The following NOTCH1 variants were observed in gnomAD, a reference collection of about 807,000 sequenced individuals.
NOTCH1 encodes notch receptor 1, also known as neurogenic locus notch homolog protein 1.
Under a neutral mutation model 254.8 loss-of-function variants are expected in NOTCH1, and 37 were observed. That is an observed-to-expected ratio of 0.15 (90% CI 0.11 to 0.19). The LOEUF is 0.19. NOTCH1 is among the 10% of genes least tolerant of loss of function. NOTCH1 has a pLI of 1.00. For synonymous variants in NOTCH1, 1,731 were observed against 1,618.1 expected, an observed-to-expected ratio of 1.07 and a Z score of -1.68; for missense variants, 2,972 against 3,708.6, an observed-to-expected ratio of 0.80 and a Z score of 5.16.
chr9:136,497,647 A>G, intron 33 of NOTCH1, 89 bp from the exon 34 acceptor site: 2 of 1,189,178 alleles, frequency 1.7e-6, no homozygotes, highest in Non-Finnish European at 2.3e-6. Flanking sequence ...AAGCAGCAGT[A>G]CAACCTCCTC....
In NOTCH1 at chr9:136,513,779, C is replaced by T. The variant is rs978095438; in HGVS notation, c.2208-242G>A. Among the ~76,000 whole-genome samples, 2 of 152,076 alleles carry T rather than the reference C, an allele frequency of 1.3e-5. No individual in the cohort carries two copies. Among genetic ancestry groups the T allele is most frequent in the Non-Finnish European group, 2.9e-5 (2 of 68,024 alleles). On this transcript the variant is annotated intron_variant, in intron 13 of 33. Transcript: ENST00000651671. This position sits in a 1 kb window ranked among gnomAD's most constrained non-coding sequence, Gnocchi z 4.7. ...TTCAAGATCAGCCTGGCCAACATGG[C>T]GAAACTCCCCCACCCCATATATACT...
rs1186676322 is a variant in NOTCH1 at position 136,500,546 on chromosome 9, G to A, written c.5934+6C>T. The A allele has an allele frequency of 3.7e-6, 6 of 1,609,862 alleles. No individual in the cohort carries two copies. The highest frequency in any genetic ancestry group is 1.3e-5 in the African/African-American group (1 of 74,948). The stretch of plus-strand genomic sequence containing the variant: ...GCAGGTGGGCACACAGGCAGCCACT[G>A]CCTACCTGGAAGACACCTTGTGCGT... On this transcript the variant is annotated splice_donor_region_variant and intron_variant, in intron 31 of 33. Coordinates refer to ENST00000651671, the MANE Select transcript of NOTCH1 (RefSeq NM_017617.5).
In NOTCH1 at chr9:136,523,154, G is replaced by A. The variant is rs1589072128; in HGVS notation, c.438C>T (p.Ser146=). ...KSCQQADPCA[S]NPCANGGQCL... Reference sequence around the variant, plus strand: ...ACTGGCCACCGTTGGCGCAGGGGTTGGAGGCGCACGGGTCAGCCTGCTGGC... The same window carrying A: ...ACTGGCCACCGTTGGCGCAGGGGTTAGAGGCGCACGGGTCAGCCTGCTGGC... The change falls in exon 4 of 34, where the codon TCC becomes TCT. Residue 146 remains serine (S), a synonymous_variant. Transcript: ENST00000651671. 1 of 1,605,296 alleles carries A rather than the reference G, an allele frequency of 6.2e-7. No homozygotes were observed. Among genetic ancestry groups the A allele is most frequent in the Admixed American group, 1.7e-5 (1 of 59,160 alleles).
At chr9:136,500,445 G>A (rs990204657) in intron 31 of NOTCH1, 107 bp downstream of exon 31, 21 of 1,394,080 alleles carry the variant, frequency 1.5e-5, no homozygotes, top group Non-Finnish European at 1.4e-5. Flanking sequence ...CCCGGACTCA[G>A]CTGTGCTCGG....
rs761562076 is a variant in NOTCH1, at chr9:136,497,146, G to A, written c.6593C>T (p.Ser2198Leu). The A allele has an allele frequency of 5.6e-6, 9 of 1,612,730 alleles. No individual in the cohort carries two copies. Among genetic ancestry groups the A allele is most frequent in the South Asian group, 2.2e-5 (2 of 91,088 alleles). Reference sequence around the variant, plus strand: ...GGGTGACTCCAGGGAGTCCACGGGCGAGAGCATGCCGGAGCTGTCCAGCAG... The same window carrying A: ...GGGTGACTCCAGGGAGTCCACGGGCAAGAGCATGCCGGAGCTGTCCAGCAG... ...GCLLDSSGML[S>L]PVDSLESPHG... The change falls in exon 34 of 34, where the codon TCG (serine) becomes TTG (leucine). Residue 2198 changes from serine to leucine, a missense_variant. Around this residue, in one of 8 missense-constraint regions of NOTCH1, gnomAD observed 529 missense variants for 529.2 expected, o/e 1.00. Coordinates refer to ENST00000651671, the MANE Select transcript of NOTCH1 (RefSeq NM_017617.5).
At chr9:136,520,348 C>G (rs564078772) in intron 4 of NOTCH1, among the ~76,000 whole-genome samples, 5 of 152,138 alleles carry the variant, frequency 3.3e-5, no homozygotes, top group African/African-American at 4.8e-5. Context: ...GCCACCACCC[C>G]GTCCGTTCTG....
At chr9:136,502,894 T>C in intron 27 of NOTCH1, 1 of 636,640 alleles carries the variant, frequency 1.6e-6, no homozygotes, top group South Asian at 1.6e-5. Flanking sequence ...GTAATGATTT[T>C]GAAATAATAC....
At position 136,495,621 on chromosome 9, in the gene NOTCH1, G is replaced by A. The variant is rs1842903410; in HGVS notation, c.*450C>T. ...GGGTTGGGTGGGCGTCGGGGAAAGG[G>A]CGCGGCCTGGACGCCCCAGGAGCTT... On this transcript the variant is annotated 3_prime_UTR_variant, in exon 34 of 34. Coordinates refer to ENST00000651671, the MANE Select transcript of NOTCH1 (RefSeq NM_017617.5). 1.0e-5 allele frequency: 4 copies of A among 401,502 alleles called. No individual in the cohort carries two copies. The highest frequency in any genetic ancestry group is 1.8e-5 in the Non-Finnish European group (4 of 227,978). 24.9% of individuals were successfully genotyped at this position (401,502 alleles called of 1,614,324 possible). A position where few individuals can be genotyped will look rare whatever the true frequency, so the allele number is the denominator to read the frequency against.
rs3829116 is a variant in NOTCH1 at position 136,507,125 on chromosome 9, C to G, written c.3644-152G>C. The G allele has an allele frequency of 0.45, 650,536 of 1,447,784 alleles. 151,864 individuals carry two copies. Among genetic ancestry groups the G allele is most frequent in the East Asian group, 0.84 (34,007 of 40,348 alleles). The allele number at this position is 1,447,784 out of a possible 1,614,324, so 89.7% of individuals were successfully genotyped here. ...AAGGGTGCCGTGGAGACGCCCTTCC[C>G]ACTGGGACCCCCGCTCTGGGCCCTT... On this transcript the variant is annotated intron_variant, in intron 22 of 33. Transcript: ENST00000651671.
intron 2 of NOTCH1, among the ~76,000 whole-genome samples, chr9:136,536,617 C>G (rs1415202213): frequency 6.6e-6 from 1 of 152,232 alleles, no homozygotes; most frequent in Non-Finnish European, 1.5e-5. Flanking sequence ...CTGCCGCTGA[C>G]CCTGTCCCAG....
chr9:136,536,918 G>A (rs1159189597), intron 2 of NOTCH1, among the ~76,000 whole-genome samples: 1 of 152,254 alleles, frequency 6.6e-6, no homozygotes, highest in Non-Finnish European at 1.5e-5. Context: ...CAGGCGTGTG[G>A]ACGCTCAGTG....
intron 19 of NOTCH1, 47 bp downstream of exon 19, chr9:136,508,823 C>A (rs532020476): frequency 6.6e-7 from 1 of 1,509,570 alleles, no homozygotes; most frequent in East Asian, 2.5e-5. Context: ...AGGTAGGCAC[C>A]CACCCAGGGC....
At chr9:136,532,814 T>C (rs922113275) in intron 2 of NOTCH1, among the ~76,000 whole-genome samples, 4 of 152,148 alleles carry the variant, frequency 2.6e-5, no homozygotes, top group African/African-American at 9.7e-5. Flanking sequence ...GTGGCCTGTG[T>C]TGTTGACCCA....
chr9:136,517,246 G>A (rs578048986), intron 9 of NOTCH1, 26 bp downstream of exon 9: 3 of 1,481,788 alleles, frequency 2.0e-6, no homozygotes, highest in Non-Finnish European at 2.8e-6. Flanking sequence ...GACGACCCGG[G>A]GGCAGGGGGC....
rs1164310314 is a variant in NOTCH1, at chr9:136,505,092, G to A, written c.4599C>T (p.Asp1533=). The part of the protein sequence containing the change: ...RAEGQCNPLY[D]QYCKDHFSDG... ...CGCTGAAGTGGTCCTTGCAGTACTG[G>A]TCGTACAGGGGGCTGTGGGGGGCGG... is the stretch of plus-strand genomic sequence containing the variant. The change falls in exon 26 of 34, where the codon GAC becomes GAT. Residue 1533 remains aspartate, a synonymous_variant. Transcript: ENST00000651671. The A allele has an allele frequency of 3.7e-6, 6 of 1,609,576 alleles. No homozygotes were observed. The African/African-American group carries it at 6.7e-5, about 18-fold the overall frequency.
chr9:136,512,449 TC>T (rs1230638250), intron 15 of NOTCH1, among the ~76,000 whole-genome samples: 4 of 152,166 alleles, frequency 2.6e-5, no homozygotes, highest in African/African-American at 9.7e-5. Context: ...TTTCCTGTGA[TC>T]CCCTTGGCTG....
chr9:136,536,983 G>A (rs948927499), intron 2 of NOTCH1, among the ~76,000 whole-genome samples: 1 of 152,242 alleles, frequency 6.6e-6, no homozygotes, highest in African/African-American at 2.4e-5. Context: ...ACAGCTTGGC[G>A]GCTGGCATGA....
chr9:136,528,085 G>A (rs1336557039), intron 2 of NOTCH1, among the ~76,000 whole-genome samples: 1 of 151,920 alleles, frequency 6.6e-6, no homozygotes, highest in African/African-American at 2.4e-5. Flanking sequence ...CACCCCCAGG[G>A]GACAGAAGAC....
intron 4 of NOTCH1, among the ~76,000 whole-genome samples, chr9:136,520,425 T>C (rs1343256774): frequency 6.6e-6 from 1 of 151,910 alleles, no homozygotes; most frequent in East Asian, 1.9e-4. Flanking sequence ...GCAAATCAGC[T>C]TGGGGAGCAC....
Sources: allele counts gnomAD v4.1 joint callset (sites outside exome capture counted in the v4.1 genomes callset), GRCh38; gene constraint gnomAD v4.1.1; regional missense constraint gnomAD v4.1.1; non-coding constraint Gnocchi (gnomAD v3.1); transcripts MANE v1.5; gene names NCBI Gene and HGNC (gene_info 2026-07-23, HGNC 2026-07-21).